The following ZC3H10 variants were observed in gnomAD, a reference collection of about 807,000 sequenced individuals.
The protein encoded by ZC3H10 is zinc finger CCCH domain-containing protein 10.
Under a neutral mutation model 24.3 loss-of-function variants are expected in ZC3H10, and 12 were observed. The observed-to-expected ratio is 0.49, with a 90% CI of 0.32 to 0.80. The LOEUF (loss-of-function observed/expected upper bound fraction) is 0.80. ZC3H10 is among the 30% of genes least tolerant of loss of function. The pLI is 0.04. For missense variants in ZC3H10, 360 were observed against 576.3 expected (o/e 0.62, Z 3.84); for synonymous variants, 226 against 217.0 (o/e 1.04, Z -0.36).
In ZC3H10 at chr12:56,120,642, G is replaced by C; in HGVS notation, c.80G>C (p.Ser27Thr). The change falls in exon 3 of 3, where the codon AGT becomes ACT. Residue 27 changes from serine (S) to threonine (T), a missense_variant. Around this residue, in one of 3 missense-constraint regions of ZC3H10, gnomAD observed 126 missense variants for 208.8 expected, o/e 0.60. Transcript: ENST00000257940. ...GGAGGTGGTGGCAGCGAGGAGGCCA[G>C]TGGGGCAGGGGTAGGCAGTGGCGGG... ...GPGGGGSEEA[S>T]GAGVGSGGAS... 1 of 1,608,478 alleles carries C rather than the reference G, an allele frequency of 6.2e-7. No homozygotes were observed. The highest frequency in any genetic ancestry group is 8.5e-7 in the Non-Finnish European group (1 of 1,176,686).
Position 56,125,918 on chromosome 12 carries a change from GTAAC to G in ZC3H10, c.*4053_*4056del, listed in dbSNP as rs1173978620. 3 of 151,672 alleles carry G rather than the reference GTAAC, an allele frequency of 2.0e-5. No individual in the cohort carries two copies. Among genetic ancestry groups the G allele is most frequent in the African/African-American group, 7.3e-5 (3 of 41,176 alleles). 9.4% of individuals were successfully genotyped at this position (151,672 alleles called of 1,614,324 possible). Reference sequence around the variant, plus strand: ...CTCCTGCCTCAGCCTCCCAAGTAGAGTAACTGGGATTACAGGTACATGCCACCAT... The same window carrying G: ...CTCCTGCCTCAGCCTCCCAAGTAGAGTGGGATTACAGGTACATGCCACCAT... On this transcript the variant is annotated 3_prime_UTR_variant, in exon 3 of 3. Coordinates refer to ENST00000257940, the MANE Select transcript of ZC3H10 (RefSeq NM_032786.3).
rs11368676 is a variant in ZC3H10, at chr12:56,125,234, C to CTTTTTTTTT, written c.*3380_*3388dup. ...AAGGGATTTCTAGAATAATGGCTAA[C>CTTTTTTTTT]TTTTTTTTTTTTTTTTTTTTTGAGA... On this transcript the variant is annotated 3_prime_UTR_variant, in exon 3 of 3. Transcript: ENST00000257940. 1 of 121,232 alleles carries CTTTTTTTTT rather than the reference C, an allele frequency of 8.2e-6. No homozygotes were observed. Among genetic ancestry groups the CTTTTTTTTT allele is most frequent in the Non-Finnish European group, 1.6e-5 (1 of 61,180 alleles). 7.5% of individuals were successfully genotyped at this position (121,232 alleles called of 1,614,324 possible).
chr12:56,121,029 T>A lies in ZC3H10; in HGVS notation c.467T>A (p.Phe156Tyr). ...TGTCAGAGAGGAGCCAAGTGCAAGT[T>A]CCGTCACCTGCAACGGGATTTTGAG... ...GDCQRGAKCKFRHLQRDFEFD... is the reference protein window; with the variant it reads ...GDCQRGAKCKYRHLQRDFEFD... The change falls in exon 3 of 3, where the codon TTC becomes TAC. Residue 156 changes from phenylalanine (F) to tyrosine (Y), a missense_variant. Transcript: ENST00000257940. The surrounding 1 kb of genome is among the most constrained non-coding windows in gnomAD (Gnocchi z 6.2). 1.2e-6 allele frequency: 2 copies of A among 1,614,110 alleles called. No homozygotes were observed. Among genetic ancestry groups the A allele is most frequent in the Non-Finnish European group, 1.7e-6 (2 of 1,180,018 alleles).
chr12:56,121,140 A>G lies in ZC3H10; in HGVS notation c.578A>G (p.Tyr193Cys), dbSNP rs1592240438. 1.9e-6 allele frequency: 3 copies of G among 1,614,198 alleles called. No individual in the cohort carries two copies. Among genetic ancestry groups the G allele is most frequent in the Non-Finnish European group, 2.5e-6 (3 of 1,180,030 alleles). ...PGRRHDLYDI[Y>C]DLPDRGFEDH... is the part of the protein sequence containing the mutation. ...CGACGTCATGATCTCTATGATATCT[A>G]TGACCTTCCTGACAGGGGCTTTGAG... Residue 193 changes from tyrosine to cysteine, a missense_variant, in exon 3 of 3, where the codon TAT becomes TGT. Coordinates refer to ENST00000257940, the MANE Select transcript of ZC3H10 (RefSeq NM_032786.3). This position sits in a 1 kb window ranked among gnomAD's most constrained non-coding sequence, Gnocchi z 6.2.
Position 56,121,143 on chromosome 12 carries a change from A to C in ZC3H10, c.581A>C (p.Asp194Ala), listed in dbSNP as rs756743578. 4 of 1,614,012 alleles carry C rather than the reference A, an allele frequency of 2.5e-6. No individual in the cohort carries two copies. Among genetic ancestry groups the C allele is most frequent in the Admixed American group, 3.3e-5 (2 of 60,014 alleles). ...CGTCATGATCTCTATGATATCTATGACCTTCCTGACAGGGGCTTTGAGGAC... is the reference window on the plus strand; with the variant it reads ...CGTCATGATCTCTATGATATCTATGCCCTTCCTGACAGGGGCTTTGAGGAC... ...GRRHDLYDIYDLPDRGFEDHE... is the reference protein window; with the variant it reads ...GRRHDLYDIYALPDRGFEDHE... The change falls in exon 3 of 3, where the codon GAC (aspartate) becomes GCC (alanine). Residue 194 changes from aspartate (D) to alanine (A), a missense_variant. Transcript: ENST00000257940. This position sits in a 1 kb window ranked among gnomAD's most constrained non-coding sequence, Gnocchi z 6.2.
Position 56,121,944 on chromosome 12 carries a change from C to T in ZC3H10, c.*77C>T. ...GGCCCTTGCCCACTCACCTAGCCTT[C>T]CCCATCCCTGTCTGAAGGGCTCCCT... is the stretch of plus-strand genomic sequence containing the variant. On this transcript the variant is annotated 3_prime_UTR_variant, in exon 3 of 3. Coordinates refer to ENST00000257940, the MANE Select transcript of ZC3H10 (RefSeq NM_032786.3). This position sits in a 1 kb window ranked among gnomAD's most constrained non-coding sequence, Gnocchi z 6.2. The T allele has an allele frequency of 6.9e-7, 1 of 1,455,256 alleles. No homozygotes were observed. Among genetic ancestry groups the T allele is most frequent in the Non-Finnish European group, 9.2e-7 (1 of 1,088,044 alleles). 90.1% of individuals were successfully genotyped at this position (1,455,256 alleles called of 1,614,324 possible).
intron 1 of ZC3H10, 100 bp from the exon 2 acceptor site, chr12:56,118,988 C>T (rs919325028): frequency 6.5e-6 from 1 of 152,676 alleles, no homozygotes; most frequent in Non-Finnish European, 1.5e-5. Flanking sequence ...CTCACGTTCT[C>T]GAAGCTTTGC....
intron 2 of ZC3H10, chr12:56,119,635 A>C (rs1216406030): frequency 2.0e-5 from 3 of 152,316 alleles, no homozygotes; most frequent in Non-Finnish European, 4.4e-5. Context: ...GGCTAGAACC[A>C]GGGCAGTGGA....
rs1172821792 is a variant in ZC3H10 at position 56,124,079 on chromosome 12, T to C, written c.*2212T>C. ...AGATTCAAGAAAGTGGGTGTTCTTT[T>C]GGATTGGGTGCTGTTAAGGGAATCC... On this transcript the variant is annotated 3_prime_UTR_variant, in exon 3 of 3. Coordinates refer to ENST00000257940, the MANE Select transcript of ZC3H10 (RefSeq NM_032786.3). The C allele has an allele frequency of 1.3e-5, 2 of 152,228 alleles. No homozygotes were observed. Among genetic ancestry groups the C allele is most frequent in the Non-Finnish European group, 2.9e-5 (2 of 68,044 alleles). The allele number at this position is 152,228 out of a possible 1,614,324, so 9.4% of individuals were successfully genotyped here.
At position 56,120,539 on chromosome 12, in the gene ZC3H10, A is replaced by G; in HGVS notation, c.-24A>G. ...TCACCAAGAGTGGCAAGATAAAGAA[A>G]ACCCTGAGTTGGGCGGGACCAGGAT... On this transcript the variant is annotated 5_prime_UTR_variant, in exon 3 of 3. Transcript: ENST00000257940. The G allele has an allele frequency of 6.6e-7, 1 of 1,512,676 alleles. No homozygotes were observed. Among genetic ancestry groups the G allele is most frequent in the Non-Finnish European group, 8.8e-7 (1 of 1,137,524 alleles). The allele number at this position is 1,512,676 out of a possible 1,614,324, so 93.7% of individuals were successfully genotyped here.
chr12:56,121,206 GC>G lies in ZC3H10; in HGVS notation c.650del (p.Pro217LeufsTer24), dbSNP rs1869812276. On this transcript the variant is annotated frameshift_variant, in exon 3 of 3. Transcript: ENST00000257940. LOFTEE classifies it high-confidence loss of function. This position sits in a 1 kb window ranked among gnomAD's most constrained non-coding sequence, Gnocchi z 6.2. ...CCAAAACGCCGGCGAGGTGGATGCT[GC>G]CCCCCTGATGGCCCTCATTTTGAGT... ...PGPKRRRGGCCPPDGPHFESY... is the reference protein window; with the variant it reads ...PGPKRRRGGCXPPDGPHFESY... 6.2e-7 allele frequency: 1 copy of G among 1,613,748 alleles called. No homozygotes were observed.
In ZC3H10 at chr12:56,121,758, T is replaced by A; in HGVS notation, c.1196T>A (p.Val399Glu). The stretch of plus-strand genomic sequence containing the variant: ...GTGGCTCCTGTGGCCCCTGTGGCTG[T>A]ATCGATGGCCCAACCCTTGGCAGGA... The part of the protein sequence containing the change: ...VSVAPVAPVA[V>E]SMAQPLAGIT... Residue 399 changes from valine (V) to glutamate (E), a missense_variant, in exon 3 of 3, where the codon GTA becomes GAA. Val to Glu is a moderately radical substitution (Grantham distance 121, BLOSUM62 -2). Coordinates refer to ENST00000257940, the MANE Select transcript of ZC3H10 (RefSeq NM_032786.3). This position sits in a 1 kb window ranked among gnomAD's most constrained non-coding sequence, Gnocchi z 6.2. 2 of 1,614,094 alleles carry A rather than the reference T, an allele frequency of 1.2e-6. No individual in the cohort carries two copies. The highest frequency in any genetic ancestry group is 1.7e-6 in the Non-Finnish European group (2 of 1,179,980).
chr12:56,119,661 T>C (rs1409668846), intron 2 of ZC3H10: 1 of 152,038 alleles, frequency 6.6e-6, no homozygotes, highest in Non-Finnish European at 1.5e-5. Context: ...ATTCCAAAGC[T>C]CTCTTGGGAA....
In ZC3H10 at chr12:56,124,705, C is replaced by T. The variant is rs1050456893; in HGVS notation, c.*2838C>T. ...GTAAACATGTAAAAAACCCATTTAT[C>T]AACAGTAACACAGGAAGAGCTAAAT... On this transcript the variant is annotated 3_prime_UTR_variant, in exon 3 of 3. Transcript: ENST00000257940. The T allele has an allele frequency of 1.3e-5, 2 of 152,172 alleles. No homozygotes were observed. Among genetic ancestry groups the T allele is most frequent in the Admixed American group, 6.5e-5 (1 of 15,272 alleles). 9.4% of individuals were successfully genotyped at this position (152,172 alleles called of 1,614,324 possible). A position where few individuals can be genotyped will look rare whatever the true frequency, so the allele number is the denominator to read the frequency against.
rs1869929456 is a variant in ZC3H10 at position 56,124,243 on chromosome 12, C to G, written c.*2376C>G. ...ACACTGACCTTGTTTTGTGCTTAAA[C>G]AAAATTGTGTAGTGATTTTGTTTTT... On this transcript the variant is annotated 3_prime_UTR_variant, in exon 3 of 3. Coordinates refer to ENST00000257940, the MANE Select transcript of ZC3H10 (RefSeq NM_032786.3). 1 of 152,218 alleles carries G rather than the reference C, an allele frequency of 6.6e-6. No individual in the cohort carries two copies. The highest frequency in any genetic ancestry group is 2.4e-5 in the African/African-American group (1 of 41,464). 9.4% of individuals were successfully genotyped at this position (152,218 alleles called of 1,614,324 possible).
rs746709082 is a variant in ZC3H10 at position 56,120,553 on chromosome 12, C to T, written c.-10C>T. On this transcript the variant is annotated 5_prime_UTR_variant, in exon 3 of 3. Transcript: ENST00000257940. The stretch of plus-strand genomic sequence containing the variant: ...AAGATAAAGAAAACCCTGAGTTGGG[C>T]GGGACCAGGATGCCTGACCGGGACA... 3.9e-5 allele frequency: 59 copies of T among 1,525,280 alleles called. No individual in the cohort carries two copies. The highest frequency in any genetic ancestry group is 4.7e-5 in the Non-Finnish European group (54 of 1,141,672). 94.5% of individuals were successfully genotyped at this position (1,525,280 alleles called of 1,614,324 possible).
rs1869890352 is a variant in ZC3H10 at position 56,122,953 on chromosome 12, C to T, written c.*1086C>T. The T allele has an allele frequency of 1.3e-5, 2 of 152,296 alleles. No homozygotes were observed. Among genetic ancestry groups the T allele is most frequent in the African/African-American group, 4.8e-5 (2 of 41,442 alleles). The allele number at this position is 152,296 out of a possible 1,614,324, so 9.4% of individuals were successfully genotyped here. A position where few individuals can be genotyped will look rare whatever the true frequency, so the allele number is the denominator to read the frequency against. ...CAGTTGATGGCAGTTAATGTCCCTC[C>T]TACCCCACCCCTTCAGTGGCCAGTT... On this transcript the variant is annotated 3_prime_UTR_variant, in exon 3 of 3. Transcript: ENST00000257940.
At position 56,125,764 on chromosome 12, in the gene ZC3H10, A is replaced by T. The variant is rs941283457; in HGVS notation, c.*3897A>T. 19 of 151,492 alleles carry T rather than the reference A, an allele frequency of 1.3e-4. No individual in the cohort carries two copies. Among genetic ancestry groups the T allele is most frequent in the African/African-American group, 3.6e-4 (15 of 41,130 alleles). 9.4% of individuals were successfully genotyped at this position (151,492 alleles called of 1,614,324 possible). A position where few individuals can be genotyped will look rare whatever the true frequency, so the allele number is the denominator to read the frequency against. Reference sequence around the variant, plus strand: ...TTCTAATGATATAGCCATCCAACAAAGCGATCACTACTTGGCAGTAATTTT... The same window carrying T: ...TTCTAATGATATAGCCATCCAACAATGCGATCACTACTTGGCAGTAATTTT... On this transcript the variant is annotated 3_prime_UTR_variant, in exon 3 of 3. Transcript: ENST00000257940.
chr12:56,120,634 G>T lies in ZC3H10; in HGVS notation c.72G>T (p.Glu24Asp). Residue 24 changes from glutamate to aspartate, a missense_variant, in exon 3 of 3, where the codon GAG (glutamate) becomes GAT (aspartate). Glu to Asp is a conservative substitution (Grantham distance 45, BLOSUM62 2). Around this residue, in one of 3 missense-constraint regions of ZC3H10, gnomAD observed 126 missense variants for 208.8 expected, o/e 0.60. Coordinates refer to ENST00000257940, the MANE Select transcript of ZC3H10 (RefSeq NM_032786.3). ...GAGGCCCTGGAGGTGGTGGCAGCGA[G>T]GAGGCCAGTGGGGCAGGGGTAGGCA... ...SGGGPGGGGSEEASGAGVGSG... is the reference protein window; with the variant it reads ...SGGGPGGGGSDEASGAGVGSG... The T allele has an allele frequency of 6.2e-7, 1 of 1,604,556 alleles. No homozygotes were observed. The highest frequency in any genetic ancestry group is 8.5e-7 in the Non-Finnish European group (1 of 1,174,420).
Sources: allele counts gnomAD v4.1 joint callset, GRCh38; gene constraint gnomAD v4.1.1; regional missense constraint gnomAD v4.1.1; non-coding constraint Gnocchi (gnomAD v3.1); transcripts MANE v1.5; gene names NCBI Gene and HGNC (gene_info 2026-07-23, HGNC 2026-07-21).